Variants in LOC128125817 observed in about 807,000 individuals in gnomAD.
chr1:41,616,039 G>A, the LOC128125817 span, among the ~76,000 whole-genome samples: 1 of 152,060 alleles, frequency 6.6e-6, no homozygotes, highest in Non-Finnish European at 1.5e-5. Context: ...GAGAAGAAAT[G>A]ACTGATTTCC....
chr1:41,608,064 A>T, the LOC128125817 span, among the ~76,000 whole-genome samples: 1 of 152,212 alleles, frequency 6.6e-6, no homozygotes, highest in South Asian at 2.1e-4. Flanking sequence ...GCCCTGCTAA[A>T]ATTTCCATCA....
At chr1:41,588,559 G>A in the LOC128125817 span, among the ~76,000 whole-genome samples, 4 of 151,926 alleles carry the variant, frequency 2.6e-5, no homozygotes, top group African/African-American at 9.7e-5. Context: ...ACAGTCAGAT[G>A]ACTGCTGCAT....
At chr1:41,605,465 A>G in the LOC128125817 span, among the ~76,000 whole-genome samples, 1 of 152,186 alleles carries the variant, frequency 6.6e-6, no homozygotes, top group Non-Finnish European at 1.5e-5. Flanking sequence ...GTTTGTGTAC[A>G]TAACTGTATG....
the LOC128125817 span, among the ~76,000 whole-genome samples, chr1:41,624,394 A>G: frequency 8.5e-5 from 13 of 152,362 alleles, no homozygotes; most frequent in East Asian, 1.5e-3. Flanking sequence ...AACATGCTCT[A>G]TAGCACATGG....
the LOC128125817 span, among the ~76,000 whole-genome samples, chr1:41,621,252 G>T: frequency 6.6e-6 from 1 of 152,210 alleles, no homozygotes; most frequent in Non-Finnish European, 1.5e-5. Flanking sequence ...CCCCCAGTAT[G>T]GGACAGAGCC....
chr1:41,614,149 T>C, the LOC128125817 span, among the ~76,000 whole-genome samples: 1 of 152,194 alleles, frequency 6.6e-6, no homozygotes, highest in African/African-American at 2.4e-5. Context: ...AGCCACAACA[T>C]GGGCAGTCTG....
chr1:41,599,484 G>A, the LOC128125817 span, among the ~76,000 whole-genome samples: 1 of 152,118 alleles, frequency 6.6e-6, no homozygotes, highest in Non-Finnish European at 1.5e-5. Context: ...GACAAACCAT[G>A]GGTTGGGAGA....
the LOC128125817 span, among the ~76,000 whole-genome samples, chr1:41,627,051 G>T: frequency 2.6e-5 from 4 of 152,236 alleles, no homozygotes; most frequent in Non-Finnish European, 5.9e-5. Flanking sequence ...AACCATGTGG[G>T]CAGCAGCATC....
the LOC128125817 span, among the ~76,000 whole-genome samples, chr1:41,617,542 G>A: frequency 6.6e-6 from 1 of 152,220 alleles, no homozygotes; most frequent in Middle Eastern, 3.2e-3. Context: ...CTGAGGGCTG[G>A]TCCAGATACC....
At chr1:41,606,754 G>A in the LOC128125817 span, among the ~76,000 whole-genome samples, 1 of 151,818 alleles carries the variant, frequency 6.6e-6, no homozygotes, top group African/African-American at 2.4e-5. Context: ...AGTTTGACAG[G>A]ATGACTCTTA....
At chr1:41,588,975 G>C in the LOC128125817 span, among the ~76,000 whole-genome samples, 1 of 152,196 alleles carries the variant, frequency 6.6e-6, no homozygotes, top group Non-Finnish European at 1.5e-5. Context: ...GGAGACTTCT[G>C]TCTTGGAATG....
At chr1:41,598,597 C>A in the LOC128125817 span, among the ~76,000 whole-genome samples, 3 of 152,200 alleles carry the variant, frequency 2.0e-5, no homozygotes, top group Non-Finnish European at 4.4e-5. Context: ...TCTACTGCAA[C>A]TCATTTCTTC....
the LOC128125817 span, among the ~76,000 whole-genome samples, chr1:41,605,004 TGGA>T: frequency 7.1e-6 from 1 of 141,784 alleles, no homozygotes. Context: ...ACTTGGGAGG[TGGA>T]GGTGGGAGGA....
At chr1:41,628,729 C>A in the LOC128125817 span, 2 of 1,231,152 alleles carry the variant, frequency 1.6e-6, no homozygotes, top group Non-Finnish European at 1.0e-6. Context: ...GCATATTCAG[C>A]AACAGCCCCC....
the LOC128125817 span, among the ~76,000 whole-genome samples, chr1:41,589,666 G>A: frequency 1.2e-4 from 19 of 152,184 alleles, no homozygotes; most frequent in African/African-American, 4.3e-4. Context: ...TCTGCCTTGG[G>A]CTCTAGACTG....
At chr1:41,589,271 A>G in the LOC128125817 span, among the ~76,000 whole-genome samples, 1 of 152,230 alleles carries the variant, frequency 6.6e-6, no homozygotes, top group South Asian at 2.1e-4. Flanking sequence ...ATGGGCCATG[A>G]GGCCAGTGAG....
chr1:41,609,320 G>A, the LOC128125817 span, among the ~76,000 whole-genome samples: 9 of 152,330 alleles, frequency 5.9e-5, no homozygotes, highest in Admixed American at 5.2e-4. Flanking sequence ...GATGCACAAT[G>A]CCCACCTAGT....
chr1:41,606,829 A>C, the LOC128125817 span, among the ~76,000 whole-genome samples: 1 of 150,174 alleles, frequency 6.7e-6, no homozygotes, highest in Non-Finnish European at 1.5e-5. Flanking sequence ...CTGGTGAGAA[A>C]TTCTGAGGTA....
the LOC128125817 span, among the ~76,000 whole-genome samples, chr1:41,622,609 C>T: frequency 1.3e-5 from 2 of 152,180 alleles, no homozygotes; most frequent in African/African-American, 2.4e-5. Context: ...ACTATATGCC[C>T]GGCAAAGCTT....
Sources: gnomAD v4.1 joint callset for allele counts (sites outside exome capture counted in the v4.1 genomes callset) on GRCh38, gnomAD v4.1.1 for gene constraint, MANE v1.5 for transcripts.